The following YWHAG variants were observed in gnomAD, a reference collection of about 807,000 sequenced individuals.
YWHAG encodes the protein 14-3-3 protein gamma.
Under a neutral mutation model 23.3 loss-of-function variants are expected in YWHAG, and 1 was observed. That is an observed-to-expected ratio of 0.04 (90% CI 0.02 to 0.20). The LOEUF is 0.20. Ranked by LOEUF, YWHAG falls within the 10% of genes least tolerant of loss-of-function variation. The probability of loss-of-function intolerance (pLI) is 1.00; values close to 1 mark genes in which losing one functional copy is unlikely to be tolerated. For synonymous variants in YWHAG, 160 were observed against 144.0 expected (o/e 1.11, Z -0.80); for missense variants, 151 against 338.6 (o/e 0.45, Z 4.35).
At chr7:76,351,605 C>T (rs1331073033) in intron 1 of YWHAG, among the ~76,000 whole-genome samples, 1 of 152,158 alleles carries the variant, frequency 6.6e-6, no homozygotes, top group Non-Finnish European at 1.5e-5. Context: ...GTCAGATCAG[C>T]GGTGGCATTA....
chr7:76,329,242 G>C lies in YWHAG; in HGVS notation c.*335C>G. ...GGAACCACAGAACTTACTGAATGAG[G>C]GCCATTCCTCTTTAAGTTTTCTTTT... On this transcript the variant is annotated 3_prime_UTR_variant, in exon 2 of 2. Transcript: ENST00000307630. The surrounding 1 kb of genome is among the most constrained non-coding windows in gnomAD (Gnocchi z 6.1). 4.0e-6 allele frequency: 1 copy of C among 251,504 alleles called. No individual in the cohort carries two copies. 15.6% of individuals were successfully genotyped at this position (251,504 alleles called of 1,614,324 possible).
At chr7:76,349,385 C>A (rs1034231818) in intron 1 of YWHAG, among the ~76,000 whole-genome samples, 1 of 150,248 alleles carries the variant, frequency 6.7e-6, no homozygotes, top group Non-Finnish European at 1.5e-5. Context: ...TTTTCCATTG[C>A]GGTCCAGACG....
intron 1 of YWHAG, among the ~76,000 whole-genome samples, chr7:76,336,755 C>A (rs978492808): frequency 1.5e-5 from 2 of 133,248 alleles, no homozygotes; most frequent in Non-Finnish European, 3.2e-5. Context: ...GGTGCCCGGT[C>A]TTTTTTTTTT....
chr7:76,349,418 TACACACAC>T (rs35880008), intron 1 of YWHAG, among the ~76,000 whole-genome samples: 39 of 147,048 alleles, frequency 2.7e-4, no homozygotes, highest in Admixed American at 4.8e-4. Flanking sequence ...CATTTATTAA[TACACACAC>T]ACACACACAC....
intron 1 of YWHAG, among the ~76,000 whole-genome samples, chr7:76,346,024 T>C (rs557562120): frequency 6.6e-6 from 1 of 152,328 alleles, no homozygotes; most frequent in Non-Finnish European, 1.5e-5. Flanking sequence ...CCTGGTTCTT[T>C]CAAAATCAAG....
chr7:76,342,027 T>C (rs1413456578), intron 1 of YWHAG, among the ~76,000 whole-genome samples: 1 of 152,198 alleles, frequency 6.6e-6, no homozygotes, highest in Non-Finnish European at 1.5e-5. Flanking sequence ...TCTTAATACA[T>C]GGACTTACAC....
At chr7:76,335,424 G>A (rs1002625276) in intron 1 of YWHAG, among the ~76,000 whole-genome samples, 3 of 152,198 alleles carry the variant, frequency 2.0e-5, no homozygotes, top group African/African-American at 7.2e-5. Context: ...AAAAATCTAT[G>A]TTATTCTCAC....
intron 1 of YWHAG, among the ~76,000 whole-genome samples, chr7:76,334,747 G>GAAAGAAAAGA (rs527923192): frequency 4.7e-5 from 7 of 149,034 alleles, no homozygotes; most frequent in Non-Finnish European, 3.0e-5. Context: ...AAGAAAGAAA[G>GAAAGAAAAGA]AAAGAAAAGA....
Position 76,326,840 on chromosome 7 carries a change from T to C in YWHAG, c.*2737A>G, listed in dbSNP as rs963604447. ...ATTTGCTCAATGTACGACAGCTACA[T>C]AATGACTCACATTCATGATATTCCA... is the stretch of plus-strand genomic sequence containing the variant. On this transcript the variant is annotated 3_prime_UTR_variant, in exon 2 of 2. Coordinates refer to ENST00000307630, the MANE Select transcript of YWHAG (RefSeq NM_012479.4). The C allele has an allele frequency of 1.3e-5, 2 of 152,636 alleles. No homozygotes were observed. The highest frequency in any genetic ancestry group is 2.9e-5 in the Non-Finnish European group (2 of 68,040). The allele number at this position is 152,636 out of a possible 1,614,324, so 9.5% of individuals were successfully genotyped here.
chr7:76,331,242 C>T (rs1435467952), intron 1 of YWHAG, among the ~76,000 whole-genome samples: 1 of 151,208 alleles, frequency 6.6e-6, no homozygotes, highest in Admixed American at 6.6e-5. Context: ...CCTCTGCCTA[C>T]CGAGGAGCTG....
chr7:76,349,329 C>A (rs1404816087), intron 1 of YWHAG, among the ~76,000 whole-genome samples: 1 of 133,744 alleles, frequency 7.5e-6, no homozygotes, highest in African/African-American at 2.7e-5. Flanking sequence ...ACAGAGCAGA[C>A]TCTGTCTCAA....
chr7:76,333,966 G>T (rs577525390), intron 1 of YWHAG, among the ~76,000 whole-genome samples: 1 of 152,242 alleles, frequency 6.6e-6, no homozygotes, highest in African/African-American at 2.4e-5. Flanking sequence ...GAGGCAATCT[G>T]TACTTATGTA....
chr7:76,336,963 A>G (rs1803625558), intron 1 of YWHAG, among the ~76,000 whole-genome samples: 1 of 152,156 alleles, frequency 6.6e-6, no homozygotes, highest in Non-Finnish European at 1.5e-5. Context: ...TTAAGGATAC[A>G]CCATGCAGAC....
In YWHAG at chr7:76,327,428, TAAAG is replaced by T. The variant is rs1024328010; in HGVS notation, c.*2145_*2148del. Reference sequence around the variant, plus strand: ...ATAGGCAAGTGCATTTCTTTAAAAATAAAGAAAAGAAAAACCATTCAAGCTGCTT... The same window carrying T: ...ATAGGCAAGTGCATTTCTTTAAAAATAAAAGAAAAACCATTCAAGCTGCTT... On this transcript the variant is annotated 3_prime_UTR_variant, in exon 2 of 2. Transcript: ENST00000307630. The T allele has an allele frequency of 6.6e-5, 10 of 152,348 alleles. No individual in the cohort carries two copies. Among genetic ancestry groups the T allele is most frequent in the African/African-American group, 1.9e-4 (8 of 41,374 alleles). 9.4% of individuals were successfully genotyped at this position (152,348 alleles called of 1,614,324 possible).
intron 1 of YWHAG, among the ~76,000 whole-genome samples, chr7:76,349,956 T>C (rs188631318): frequency 6.0e-4 from 92 of 152,310 alleles, no homozygotes; most frequent in Non-Finnish European, 1.3e-4. Flanking sequence ...ATTGCACCAC[T>C]GTACCCCAGC....
rs1289415539 is a variant in YWHAG at position 76,329,449 on chromosome 7, C to G, written c.*128G>C. ...GTCAAAGAGGCGATCAAAGACAGGA[C>G]AGGTCGTGGGTTTCTCCCTGGGAAG... On this transcript the variant is annotated 3_prime_UTR_variant, in exon 2 of 2. Transcript: ENST00000307630. This position sits in a 1 kb window ranked among gnomAD's most constrained non-coding sequence, Gnocchi z 6.1. 4.2e-6 allele frequency: 5 copies of G among 1,201,702 alleles called. No homozygotes were observed. The highest frequency in any genetic ancestry group is 5.7e-6 in the Non-Finnish European group (5 of 883,640). 74.4% of individuals were successfully genotyped at this position (1,201,702 alleles called of 1,614,324 possible). A position where few individuals can be genotyped will look rare whatever the true frequency, so the allele number is the denominator to read the frequency against.
At chr7:76,343,646 C>G (rs925073749) in intron 1 of YWHAG, among the ~76,000 whole-genome samples, 4 of 152,206 alleles carry the variant, frequency 2.6e-5, no homozygotes, top group African/African-American at 4.8e-5. Flanking sequence ...TCCAGCCACT[C>G]TCATCAAGAG....
chr7:76,353,542 CTAAT>C (rs2115653569), intron 1 of YWHAG, among the ~76,000 whole-genome samples: 1 of 152,240 alleles, frequency 6.6e-6, no homozygotes, highest in African/African-American at 2.4e-5. Flanking sequence ...TTTCGTGTAA[CTAAT>C]TTTCTACCAC....
At chr7:76,345,717 C>T (rs1015362575) in intron 1 of YWHAG, among the ~76,000 whole-genome samples, 11 of 151,928 alleles carry the variant, frequency 7.2e-5, no homozygotes, top group Non-Finnish European at 1.5e-4. Flanking sequence ...CCGAAGTGGC[C>T]GGATCATGAG....
Sources: allele counts gnomAD v4.1 joint callset (sites outside exome capture counted in the v4.1 genomes callset), GRCh38; gene constraint gnomAD v4.1.1; non-coding constraint Gnocchi (gnomAD v3.1); transcripts MANE v1.5; gene names NCBI Gene and HGNC (gene_info 2026-07-23, HGNC 2026-07-21).